AFF3: variants seen among roughly 807,000 people sequenced by gnomAD.
AFF3 encodes ALF transcription elongation factor 3.
AFF3 carries 32 observed loss-of-function variants against 129.7 expected under a neutral mutation model. That is an observed-to-expected ratio of 0.25 (90% CI 0.19 to 0.33). The LOEUF (loss-of-function observed/expected upper bound fraction) is 0.33. Ranked by LOEUF, AFF3 falls within the 10% of genes least tolerant of loss-of-function variation. AFF3 has a pLI of 1.00. For missense variants in AFF3, 1,373 were observed against 1,592.0 expected (o/e 0.86, Z 2.34); for synonymous variants, 644 against 635.4 (o/e 1.01, Z -0.20).
chr2:99,732,294 G>A (rs1329344895), intron 10 of AFF3, among the ~76,000 whole-genome samples: 1 of 150,438 alleles, frequency 6.6e-6, no homozygotes, highest in African/African-American at 2.5e-5. Context: ...CTTGCAGTGA[G>A]CCGAGATTGT....
rs181186032 is a variant in AFF3 at position 99,891,947 on chromosome 2, G to A, written c.874-54423C>T. ...ACGCCATTCTCCTGCCTCAGTCTCC[G>A]GAGTAGCTGGGACTACAGGCACCCG... On this transcript the variant is annotated intron_variant, in intron 7 of 24. Transcript: ENST00000672756. Among the ~76,000 whole-genome samples, 37 of 151,612 alleles carry A rather than the reference G, an allele frequency of 2.4e-4. No individual in the cohort carries two copies. In the East Asian group the frequency reaches 5.1e-3, roughly 21 times the overall value.
intron 4 of AFF3, among the ~76,000 whole-genome samples, chr2:100,032,952 G>A (rs1684625590): frequency 6.6e-6 from 1 of 152,146 alleles, no homozygotes; most frequent in Non-Finnish European, 1.5e-5. Context: ...GATGTCAGTA[G>A]AGTAAGTCCA....
In AFF3 at chr2:99,942,534, G is replaced by GA. The variant is rs1558995334; in HGVS notation, c.873+64097_873+64098insT. ...TATTTAAACTAAGATTATGAATTAA[G>GA]TGGGGGGAGGGGCGGGGGGGGGGTC... On this transcript the variant is annotated intron_variant, in intron 7 of 24. Transcript: ENST00000672756. Among the ~76,000 whole-genome samples the GA allele has an allele frequency of 1.6e-3, 200 of 125,110 alleles. 1 individual carries two copies. Among genetic ancestry groups the GA allele is most frequent in the African/African-American group, 6.1e-3 (195 of 31,912 alleles). The allele number at this position is 125,110 out of a possible 152,430, so 82.1% of individuals were successfully genotyped here. A position where few individuals can be genotyped will look rare whatever the true frequency, so the allele number is the denominator to read the frequency against.
intron 1 of AFF3, among the ~76,000 whole-genome samples, chr2:100,135,668 A>G (rs1489680459): frequency 6.6e-6 from 1 of 152,198 alleles, no homozygotes; most frequent in Admixed American, 6.5e-5. Flanking sequence ...GTTTTGAGCC[A>G]CCATGGTTTA....
chr2:99,839,639 C>A (rs1689164912), intron 7 of AFF3, among the ~76,000 whole-genome samples: 1 of 146,056 alleles, frequency 6.8e-6, no homozygotes, highest in Non-Finnish European at 1.5e-5. Context: ...TGAGACGGAG[C>A]CTCGCTCTGT....
intron 8 of AFF3, among the ~76,000 whole-genome samples, chr2:99,759,732 T>C (rs569875595): frequency 3.6e-4 from 55 of 152,342 alleles, no homozygotes; most frequent in African/African-American, 1.3e-3. Context: ...AAATACAAAA[T>C]ATGTAATATA....
intron 7 of AFF3, among the ~76,000 whole-genome samples, chr2:99,940,437 T>C (rs1674924500): frequency 6.6e-6 from 1 of 152,124 alleles, no homozygotes. Flanking sequence ...CAGCACAAGA[T>C]ACAGGTCACG....
rs570417855 is a variant in AFF3 at position 99,803,782 on chromosome 2, C to T, written c.921+33695G>A. Among the ~76,000 whole-genome samples, 3 of 152,222 alleles carry T rather than the reference C, an allele frequency of 2.0e-5. No individual in the cohort carries two copies. The East Asian group carries it at 5.8e-4, about 29-fold the overall frequency. The stretch of plus-strand genomic sequence containing the variant: ...AAGAACCCAGAAATAAAGCCAAATA[C>T]TTACAACCAACTGATCTTTGACAAA... On this transcript the variant is annotated intron_variant, in intron 8 of 24. Transcript: ENST00000672756.
chr2:99,732,995 T>C (rs1473527606), intron 10 of AFF3, among the ~76,000 whole-genome samples: 1 of 152,230 alleles, frequency 6.6e-6, no homozygotes, highest in Non-Finnish European at 1.5e-5. Flanking sequence ...TATTTTTTAG[T>C]ATTAATTTCT....
At chr2:99,764,838 T>C (rs983510606) in intron 8 of AFF3, among the ~76,000 whole-genome samples, 2 of 152,168 alleles carry the variant, frequency 1.3e-5, no homozygotes, top group Non-Finnish European at 2.9e-5. Flanking sequence ...TGCTAGTTTC[T>C]GGCACTCCTT....
rs145506494 is a variant in AFF3 at position 99,814,443 on chromosome 2, C to T, written c.921+23034G>A. ...TGCATGCAGAAGCTGAGTTGGAGCA[C>T]GCATAGGGAAGGAAGGGCAGGTCCT... On this transcript the variant is annotated intron_variant, in intron 8 of 24. Transcript: ENST00000672756. 4.6e-3 allele frequency among the ~76,000 whole-genome samples: 696 copies of T among 152,146 alleles called. 3 individuals are homozygous for T. Among genetic ancestry groups the T allele is most frequent in the African/African-American group, 0.016 (661 of 41,502 alleles).
At chr2:99,825,089 G>A (rs1232209204) in intron 8 of AFF3, among the ~76,000 whole-genome samples, 1 of 152,098 alleles carries the variant, frequency 6.6e-6, no homozygotes, top group Non-Finnish European at 1.5e-5. Flanking sequence ...TGAATCCAAT[G>A]AGCATAAAAA....
At chr2:100,081,049 G>C (rs975464195) in intron 4 of AFF3, among the ~76,000 whole-genome samples, 2 of 151,944 alleles carry the variant, frequency 1.3e-5, no homozygotes, top group African/African-American at 4.8e-5. Flanking sequence ...TTCTGCTGGG[G>C]GCTGGAGCCA....
At chr2:100,079,497 G>C (rs964465065) in intron 4 of AFF3, among the ~76,000 whole-genome samples, 4 of 152,150 alleles carry the variant, frequency 2.6e-5, no homozygotes, top group African/African-American at 9.7e-5. Context: ...TCTCTTGCCT[G>C]CTGCACCTTA....
intron 7 of AFF3, among the ~76,000 whole-genome samples, chr2:99,867,718 C>T (rs971332222): frequency 2.0e-5 from 3 of 152,172 alleles, no homozygotes; most frequent in African/African-American, 7.2e-5. Context: ...CCCCAATCCC[C>T]GGGAGTGAAA....
At chr2:99,852,103 C>T (rs1389959094) in intron 7 of AFF3, among the ~76,000 whole-genome samples, 1 of 152,084 alleles carries the variant, frequency 6.6e-6, no homozygotes, top group Admixed American at 6.5e-5. Context: ...CAGCGGTCCT[C>T]ATTTAAAAAG....
intron 4 of AFF3, among the ~76,000 whole-genome samples, chr2:100,073,807 A>T (rs1248407695): frequency 6.6e-6 from 1 of 152,194 alleles, no homozygotes; most frequent in Non-Finnish European, 1.5e-5. Flanking sequence ...TGCCTGTGAA[A>T]ATTTTGTGTT....
At chr2:99,812,993 G>A (rs1052204572) in intron 8 of AFF3, among the ~76,000 whole-genome samples, 3 of 151,706 alleles carry the variant, frequency 2.0e-5, no homozygotes, top group African/African-American at 7.3e-5. Context: ...CGCAGTGCAG[G>A]CATTTTATTC....
intron 1 of AFF3, among the ~76,000 whole-genome samples, chr2:100,139,296 G>A (rs1692766926): frequency 6.6e-6 from 1 of 152,168 alleles, no homozygotes; most frequent in South Asian, 2.1e-4. Context: ...TTATCTGATT[G>A]TCATTCCATT....
Sources: allele counts gnomAD v4.1 joint callset (sites outside exome capture counted in the v4.1 genomes callset), GRCh38; gene constraint gnomAD v4.1.1; transcripts MANE v1.5; gene names NCBI Gene and HGNC (gene_info 2026-07-23, HGNC 2026-07-21).